The following CERKL variants were observed in gnomAD, a reference collection of about 807,000 sequenced individuals.
CERKL encodes the protein CERK like autophagy regulator.
Under a neutral mutation model 63.4 loss-of-function variants are expected in CERKL, and 61 were observed. The observed-to-expected ratio is 0.96, with a 90% CI of 0.78 to 1.19. The LOEUF is 1.19. Ranked by LOEUF, CERKL falls within the 50% of genes most tolerant of loss-of-function variation. The pLI is 0.00. For missense variants in CERKL, 675 were observed against 655.5 expected (o/e 1.03, Z -0.33); for synonymous variants, 250 against 230.5 (o/e 1.08, Z -0.77).
At chr2:181,583,641 A>G (rs888508046) in intron 2 of CERKL, among the ~76,000 whole-genome samples, 2 of 152,244 alleles carry the variant, frequency 1.3e-5, no homozygotes, top group Non-Finnish European at 2.9e-5. Flanking sequence ...CACTGGAAAG[A>G]GCAACTGAAT....
chr2:181,542,812 T>A (rs1687569942), intron 11 of CERKL, among the ~76,000 whole-genome samples: 1 of 152,224 alleles, frequency 6.6e-6, no homozygotes, highest in Admixed American at 6.5e-5. Context: ...CGTCTTCCTA[T>A]CGATACAGAT....
At chr2:181,611,323 G>GT (rs1243567364) in intron 1 of CERKL, among the ~76,000 whole-genome samples, 6 of 151,950 alleles carry the variant, frequency 3.9e-5, no homozygotes, top group Non-Finnish European at 8.8e-5. Context: ...TATTGGTTTT[G>GT]TTAAAAAAAA....
chr2:181,595,369 C>T (rs1007145403), intron 2 of CERKL, among the ~76,000 whole-genome samples: 10 of 141,372 alleles, frequency 7.1e-5, no homozygotes, highest in African/African-American at 2.4e-4. Flanking sequence ...CTACGGGTTG[C>T]CCTGCTTCAA....
At chr2:181,654,657 T>C (rs1219333347) in intron 1 of CERKL, among the ~76,000 whole-genome samples, 1 of 152,198 alleles carries the variant, frequency 6.6e-6, no homozygotes, top group Admixed American at 6.5e-5. Context: ...GTAACTTTGA[T>C]GTAGCTCCCT....
intron 1 of CERKL, among the ~76,000 whole-genome samples, chr2:181,643,451 A>G (rs1394403676): frequency 6.6e-6 from 1 of 152,244 alleles, no homozygotes; most frequent in Non-Finnish European, 1.5e-5. Flanking sequence ...AAGATCCTGT[A>G]GTGCTTTTCA....
At chr2:181,623,517 T>C (rs895777914) in intron 1 of CERKL, among the ~76,000 whole-genome samples, 6 of 152,208 alleles carry the variant, frequency 3.9e-5, no homozygotes, top group East Asian at 1.9e-4. Flanking sequence ...CTAAATAGTA[T>C]GTATTTGAGT....
intron 1 of CERKL, among the ~76,000 whole-genome samples, chr2:181,648,799 A>C (rs1280212307): frequency 6.6e-6 from 1 of 152,234 alleles, no homozygotes; most frequent in Non-Finnish European, 1.5e-5. Context: ...TGGCGGAGGA[A>C]AAAAGTCTAG....
chr2:181,553,266 T>A lies in CERKL; in HGVS notation c.821-3558A>T, dbSNP rs9288069. ...TTGACCATCTAATTGCTAATAAATCTGGAATGGATCAGGAGAAAAGGAAGA... is the reference window on the plus strand; with the variant it reads ...TTGACCATCTAATTGCTAATAAATCAGGAATGGATCAGGAGAAAAGGAAGA... On this transcript the variant is annotated intron_variant, in intron 5 of 12. Coordinates refer to ENST00000410087, the MANE Select transcript of CERKL (RefSeq NM_201548.5). Among the ~76,000 whole-genome samples the A allele has an allele frequency of 5.3e-3, 807 of 152,260 alleles. 3 individuals carry two copies. Among genetic ancestry groups the A allele is most frequent in the African/African-American group, 0.018 (762 of 41,542 alleles).
At chr2:181,622,809 T>C (rs967374644) in intron 1 of CERKL, among the ~76,000 whole-genome samples, 2 of 152,204 alleles carry the variant, frequency 1.3e-5, no homozygotes, top group African/African-American at 4.8e-5. Flanking sequence ...TATGATTCCT[T>C]AAAACAGATT....
At chr2:181,612,298 A>G (rs1466806547) in intron 1 of CERKL, among the ~76,000 whole-genome samples, 3 of 152,194 alleles carry the variant, frequency 2.0e-5, no homozygotes, top group African/African-American at 7.2e-5. Context: ...ACCAACAAAA[A>G]TTACAGATTT....
At chr2:181,559,423 G>A (rs975336978) in intron 4 of CERKL, among the ~76,000 whole-genome samples, 3 of 152,062 alleles carry the variant, frequency 2.0e-5, no homozygotes, top group Non-Finnish European at 2.9e-5. Flanking sequence ...ATATTCTTAC[G>A]TATCAAAATG....
intron 2 of CERKL, among the ~76,000 whole-genome samples, chr2:181,598,871 G>GA (rs1559097489): frequency 1.3e-5 from 2 of 148,848 alleles, no homozygotes; most frequent in African/African-American, 5.0e-5. Context: ...ACCCTCAAGG[G>GA]GAAAAAAAAA....
At position 181,537,434 on chromosome 2, in the gene CERKL, CTTGTATCATGAATT is replaced by C. The variant is rs956321973; in HGVS notation, c.*736_*749del. 12 of 453,830 alleles carry C rather than the reference CTTGTATCATGAATT, an allele frequency of 2.6e-5. No individual in the cohort carries two copies. Among genetic ancestry groups the C allele is most frequent in the Admixed American group, 4.7e-5 (2 of 42,522 alleles). The allele number at this position is 453,830 out of a possible 1,614,324, so 28.1% of individuals were successfully genotyped here. ...TATTTGTTATCAACTTACTTTGTTA[CTTGTATCATGAATT>C]TTAAAACCCTACCACTTTAAGAAGA... On this transcript the variant is annotated 3_prime_UTR_variant, in exon 13 of 13. Coordinates refer to ENST00000410087, the MANE Select transcript of CERKL (RefSeq NM_201548.5).
In CERKL at chr2:181,537,553, C is replaced by A; in HGVS notation, c.*631G>T. 1 of 439,628 alleles carries A rather than the reference C, an allele frequency of 2.3e-6. No homozygotes were observed. The highest frequency in any genetic ancestry group is 4.6e-6 in the Non-Finnish European group (1 of 219,424). 27.2% of individuals were successfully genotyped at this position (439,628 alleles called of 1,614,324 possible). Reference sequence around the variant, plus strand: ...AATTTAACTGCTCTGGATTAGGGAGCAGTGAATCAAGGCAGACTTATGAAA... The same window carrying A: ...AATTTAACTGCTCTGGATTAGGGAGAAGTGAATCAAGGCAGACTTATGAAA... On this transcript the variant is annotated 3_prime_UTR_variant, in exon 13 of 13. Transcript: ENST00000410087.
intron 11 of CERKL, among the ~76,000 whole-genome samples, chr2:181,543,720 C>A (rs1018300419): frequency 6.6e-6 from 1 of 152,094 alleles, no homozygotes; most frequent in African/African-American, 2.4e-5. Flanking sequence ...CGTGGTGGCT[C>A]ACGCCTGTAA....
intron 1 of CERKL, among the ~76,000 whole-genome samples, chr2:181,628,592 T>C (rs1442643430): frequency 6.6e-6 from 1 of 152,198 alleles, no homozygotes; most frequent in Non-Finnish European, 1.5e-5. Context: ...TGGAAACCTC[T>C]TCCAAAAAGC....
intron 8 of CERKL, 175 bp downstream of exon 8, chr2:181,548,370 A>G (rs1687828039): frequency 1.6e-6 from 1 of 608,958 alleles, no homozygotes; most frequent in Admixed American, 3.0e-5. Flanking sequence ...AAAAAGAGAA[A>G]AAGGCTGAGT....
chr2:181,565,939 G>A, intron 4 of CERKL, 119 bp downstream of exon 4: 1 of 702,598 alleles, frequency 1.4e-6, no homozygotes, highest in Non-Finnish European at 2.5e-6. Context: ...ACAAGATAGA[G>A]CCAAAGTACA....
rs184143257 is a variant in CERKL at position 181,537,516 on chromosome 2, A to G, written c.*668T>C. ...TTTTTGGCAGGTAGGCTATATAACTATGTGATTTTGAAATTTAACTGCTCT... is the reference window on the plus strand; with the variant it reads ...TTTTTGGCAGGTAGGCTATATAACTGTGTGATTTTGAAATTTAACTGCTCT... On this transcript the variant is annotated 3_prime_UTR_variant, in exon 13 of 13. Transcript: ENST00000410087. The G allele has an allele frequency of 3.1e-5, 14 of 449,618 alleles. No individual in the cohort carries two copies. Among genetic ancestry groups the G allele is most frequent in the Admixed American group, 2.8e-4 (12 of 42,146 alleles). 27.9% of individuals were successfully genotyped at this position (449,618 alleles called of 1,614,324 possible).
Sources: gnomAD v4.1 joint callset for allele counts (sites outside exome capture counted in the v4.1 genomes callset) on GRCh38, gnomAD v4.1.1 for gene constraint, MANE v1.5 for transcripts, NCBI Gene and HGNC (gene_info 2026-07-23, HGNC 2026-07-21) for gene names.